Variants in TAMM41 observed in about 807,000 individuals in gnomAD.
TAMM41 encodes the protein TAM41 mitochondrial translocator assembly and maintenance homolog.
A neutral mutation model predicts 44.1 loss-of-function variants in TAMM41; 36 were observed. That is an observed-to-expected ratio of 0.82 (90% CI 0.63 to 1.08). TAMM41 has a LOEUF of 1.08. Among genes scored for constraint, TAMM41 ranks in the 50% least tolerant of loss-of-function variants. The pLI is 0.00. For synonymous variants in TAMM41, 164 were observed against 153.1 expected (o/e 1.07, Z -0.53); for missense variants, 417 against 404.3 (o/e 1.03, Z -0.27).
chr3:11,804,369 A>G (rs1425792014), intron 7 of TAMM41, among the ~76,000 whole-genome samples: 1 of 152,190 alleles, frequency 6.6e-6, no homozygotes, highest in African/African-American at 2.4e-5. Context: ...CTCATGGCCA[A>G]TCTTGTGTCA....
At chr3:11,758,841 T>C in the TAMM41 span, among the ~76,000 whole-genome samples, 1 of 152,076 alleles carries the variant, frequency 6.6e-6, no homozygotes, top group African/African-American at 2.4e-5. Context: ...GCCCGGCTAA[T>C]TTTTGTATTT....
At chr3:11,753,131 G>T in the TAMM41 span, among the ~76,000 whole-genome samples, 1 of 151,952 alleles carries the variant, frequency 6.6e-6, no homozygotes, top group Admixed American at 6.6e-5. Flanking sequence ...AGGATGCTCA[G>T]CACTGGCTGC....
At chr3:11,819,735 AT>A (rs576927631) in intron 4 of TAMM41, among the ~76,000 whole-genome samples, 5 of 150,572 alleles carry the variant, frequency 3.3e-5, no homozygotes, top group Non-Finnish European at 4.4e-5. Flanking sequence ...TCTCTATGTA[AT>A]TTTTTTTTTA....
At chr3:11,762,090 C>T in the TAMM41 span, among the ~76,000 whole-genome samples, 1 of 152,062 alleles carries the variant, frequency 6.6e-6, no homozygotes, top group Non-Finnish European at 1.5e-5. Context: ...GAGTAAAAAC[C>T]CAATTCCTGC....
chr3:11,772,866 T>C, the TAMM41 span, among the ~76,000 whole-genome samples: 1 of 152,172 alleles, frequency 6.6e-6, no homozygotes, highest in Non-Finnish European at 1.5e-5. Context: ...GTCTTTATCG[T>C]CTCCATCTTA....
chr3:11,836,553 T>C (rs578041254), intron 3 of TAMM41, among the ~76,000 whole-genome samples: 1 of 152,298 alleles, frequency 6.6e-6, no homozygotes, highest in South Asian at 2.1e-4. Flanking sequence ...AACCTCCACT[T>C]TCTGGGTTCA....
Position 11,829,774 on chromosome 3 carries a change from G to A in TAMM41, c.502C>T (p.Leu168Phe). The A allele has an allele frequency of 6.2e-7, 1 of 1,614,180 alleles. No homozygotes were observed. The highest frequency in any genetic ancestry group is 8.5e-7 in the Non-Finnish European group (1 of 1,180,012). The change falls in exon 4 of 8, where the codon CTC becomes TTC. Residue 168 changes from leucine to phenylalanine, a missense_variant. Physicochemically the swap from Leu to Phe is conservative, Grantham distance 22. Coordinates refer to ENST00000455809, the MANE Select transcript of TAMM41 (RefSeq NM_001284401.2). ...TCTTCTTCAGAAAAGCTTTCGGGGA[G>A]CATGAGGAAAGCAGCGGTCACAGCA... ...KSAVTAAFLMLPESFSEEDLF... is the reference protein window; with the variant it reads ...KSAVTAAFLMFPESFSEEDLF...
chr3:11,790,190 C>T (rs553394514), downstream of TAMM41, among the ~76,000 whole-genome samples: 3 of 152,286 alleles, frequency 2.0e-5, no homozygotes, highest in South Asian at 4.1e-4. Flanking sequence ...TCCTGGGCTA[C>T]GTGTTGACAG....
intron 7 of TAMM41, among the ~76,000 whole-genome samples, chr3:11,801,455 G>A (rs2077751689): frequency 6.6e-6 from 1 of 152,044 alleles, no homozygotes; most frequent in African/African-American, 2.4e-5. Flanking sequence ...CTCCTGAGTA[G>A]CTGGGACTAC....
chr3:11,806,506 G>A (rs2077914045), intron 7 of TAMM41, among the ~76,000 whole-genome samples: 1 of 152,114 alleles, frequency 6.6e-6, no homozygotes, highest in African/African-American at 2.4e-5. Context: ...CAACAGAAGG[G>A]TTGGAAGCTA....
intron 3 of TAMM41, among the ~76,000 whole-genome samples, chr3:11,834,174 G>A (rs2079086869): frequency 6.6e-6 from 1 of 152,060 alleles, no homozygotes; most frequent in South Asian, 2.1e-4. Flanking sequence ...AGCCCGGGAG[G>A]TCGAGTAAAT....
At chr3:11,831,430 G>A (rs2078978451) in intron 3 of TAMM41, among the ~76,000 whole-genome samples, 1 of 152,098 alleles carries the variant, frequency 6.6e-6, no homozygotes, top group Non-Finnish European at 1.5e-5. Context: ...TACTGTTTCT[G>A]ATTGACTTTC....
At chr3:11,837,052 C>T (rs547166532) in intron 3 of TAMM41, among the ~76,000 whole-genome samples, 1 of 152,288 alleles carries the variant, frequency 6.6e-6, no homozygotes, top group Admixed American at 6.5e-5. Flanking sequence ...CTGCCCGGAT[C>T]GAGTATTTCT....
intron 7 of TAMM41, 33 bp downstream of exon 7, chr3:11,807,800 G>A: frequency 6.5e-7 from 1 of 1,536,082 alleles, no homozygotes; most frequent in Non-Finnish European, 8.7e-7. Flanking sequence ...TCAGTCAGCA[G>A]GTATGTTACA....
chr3:11,762,973 G>C, the TAMM41 span, among the ~76,000 whole-genome samples: 1 of 152,174 alleles, frequency 6.6e-6, no homozygotes, highest in Non-Finnish European at 1.5e-5. Context: ...AGAAGGCGGA[G>C]GTTGCAGTAA....
At chr3:11,722,502 G>A in the TAMM41 span, among the ~76,000 whole-genome samples, 1 of 152,090 alleles carries the variant, frequency 6.6e-6, no homozygotes, top group Non-Finnish European at 1.5e-5. Context: ...TCTTGACAAT[G>A]TTAACTGAAA....
the TAMM41 span, among the ~76,000 whole-genome samples, chr3:11,767,731 T>G: frequency 6.8e-6 from 1 of 146,934 alleles, no homozygotes; most frequent in African/African-American, 2.5e-5. Flanking sequence ...GTTCAAGCAA[T>G]TCTCCTGCCT....
the TAMM41 span, among the ~76,000 whole-genome samples, chr3:11,724,107 A>T: frequency 6.6e-6 from 1 of 150,840 alleles, no homozygotes; most frequent in Non-Finnish European, 1.5e-5. Flanking sequence ...TTATTTATTT[A>T]TTTATTTTTT....
At chr3:11,800,575 C>T (rs1303647985) in intron 7 of TAMM41, among the ~76,000 whole-genome samples, 1 of 147,766 alleles carries the variant, frequency 6.8e-6, no homozygotes, top group Non-Finnish European at 1.5e-5. Context: ...CTAAGAAGGT[C>T]ATTATATAAT....
Sources: gnomAD v4.1 joint callset for allele counts (sites outside exome capture counted in the v4.1 genomes callset) on GRCh38, gnomAD v4.1.1 for gene constraint, MANE v1.5 for transcripts, NCBI Gene and HGNC (gene_info 2026-07-23, HGNC 2026-07-21) for gene names.